USP50: variants seen among roughly 807,000 people sequenced by gnomAD.
USP50 encodes the protein ubiquitin carboxyl-terminal hydrolase 50.
In USP50, 37 loss-of-function variants were observed where a neutral mutation model predicts 39.2. The ratio of observed to expected loss-of-function variants is 0.94; its 90% confidence interval spans 0.73 to 1.24. The LOEUF is 1.24. USP50 is among the 50% of genes most tolerant of loss of function. The probability of loss-of-function intolerance (pLI) is 0.00; values close to 1 mark genes in which losing one functional copy is unlikely to be tolerated. For missense variants in USP50, 374 were observed against 398.2 expected (o/e 0.94, Z 0.52); for synonymous variants, 139 against 144.5 (o/e 0.96, Z 0.27).
downstream of USP50, among the ~76,000 whole-genome samples, chr15:50,498,112 C>G (rs1471120464): frequency 2.0e-5 from 3 of 152,066 alleles, no homozygotes; most frequent in African/African-American, 7.2e-5. Flanking sequence ...TTACACCAAC[C>G]AAGATATCAT....
At chr15:50,528,886 A>C (rs1447247865) in intron 6 of USP50, among the ~76,000 whole-genome samples, 1 of 152,190 alleles carries the variant, frequency 6.6e-6, no homozygotes, top group Non-Finnish European at 1.5e-5. Flanking sequence ...TGGGAGTCTC[A>C]ACCATTTGAT....
intron 6 of USP50, chr15:50,504,211 A>G (rs2052627617): frequency 6.6e-6 from 1 of 152,152 alleles, no homozygotes. Context: ...ATATGGGAGG[A>G]TGTGCATAGG....
intron 6 of USP50, chr15:50,501,222 G>A (rs2052580565): frequency 5.9e-6 from 1 of 168,570 alleles, no homozygotes; most frequent in African/African-American, 2.4e-5. Context: ...CACTCTGGGA[G>A]GCTGAGGCAG....
rs147210614 is a variant in USP50 at position 50,532,584 on chromosome 15, C to T, written c.804-2655G>A. ...GTTTCTCTTACCCAGTTCATCATAT[C>T]TGGCTATCAGGAAAAAATTACAAGG... On this transcript the variant is annotated intron_variant, in intron 5 of 6. Transcript: ENST00000532404. 7.1e-3 allele frequency among the ~76,000 whole-genome samples: 1,074 copies of T among 152,282 alleles called. 6 individuals are homozygous for T. Among genetic ancestry groups the T allele is most frequent in the South Asian group, 0.012 (56 of 4,824 alleles).
chr15:50,537,891 GAGGGGAGGGA>G (rs2052992773), intron 5 of USP50, among the ~76,000 whole-genome samples: 2 of 31,846 alleles, frequency 6.3e-5, no homozygotes, highest in African/African-American at 9.7e-5. Flanking sequence ...GAGGGGAGGG[GAGGGGAGGGA>G]AGGGGAGGGA....
At chr15:50,511,088 A>C (rs369085185) in intron 6 of USP50, 15 of 152,122 alleles carry the variant, frequency 9.9e-5, no homozygotes, top group African/African-American at 2.9e-4. Context: ...GATGTACACC[A>C]ATGTTCTCTG....
At chr15:50,526,433 T>C (rs1230107140) in intron 6 of USP50, among the ~76,000 whole-genome samples, 1 of 152,152 alleles carries the variant, frequency 6.6e-6, no homozygotes, top group African/African-American at 2.4e-5. Context: ...GCCTGAAGTA[T>C]TTCATTGTTT....
chr15:50,523,823 A>T (rs139022887), intron 6 of USP50, among the ~76,000 whole-genome samples: 2 of 152,356 alleles, frequency 1.3e-5, no homozygotes, highest in African/African-American at 4.8e-5. Context: ...CAAATTGCCA[A>T]AACAATCAGG....
intron 5 of USP50, among the ~76,000 whole-genome samples, 159 bp downstream of exon 5, chr15:50,538,550 G>A (rs1009358082): frequency 6.6e-6 from 1 of 152,076 alleles, no homozygotes; most frequent in African/African-American, 2.4e-5. Flanking sequence ...ACAGTTTTGT[G>A]TTATGCTGTA....
intron 6 of USP50, among the ~76,000 whole-genome samples, chr15:50,517,204 C>A (rs965758237): frequency 2.6e-5 from 4 of 152,122 alleles, no homozygotes; most frequent in Non-Finnish European, 5.9e-5. Flanking sequence ...GGTGTGGTGG[C>A]TCATGCCTGT....
chr15:50,494,775 G>A (rs940576125), intron 1 of USP50, among the ~76,000 whole-genome samples: 4 of 152,134 alleles, frequency 2.6e-5, no homozygotes, highest in East Asian at 3.9e-4. Flanking sequence ...AGTACTTTGG[G>A]AGGCCAAGGC....
chr15:50,503,238 C>G (rs2052615470), intron 6 of USP50: 1 of 152,346 alleles, frequency 6.6e-6, no homozygotes, highest in Admixed American at 6.5e-5. Flanking sequence ...ATCCCAGCTA[C>G]TTGGGAGGCT....
At chr15:50,546,284 G>A (rs1452529863) in intron 1 of USP50, among the ~76,000 whole-genome samples, 189 bp downstream of exon 1, 2 of 152,160 alleles carry the variant, frequency 1.3e-5, no homozygotes, top group African/African-American at 2.4e-5. Flanking sequence ...GTCCTAGACT[G>A]TCACCCTTTA....
At chr15:50,542,673 G>C (rs1390957886) in intron 3 of USP50, among the ~76,000 whole-genome samples, 1 of 151,790 alleles carries the variant, frequency 6.6e-6, no homozygotes, top group Admixed American at 6.6e-5. Flanking sequence ...ATTTTTAGTA[G>C]AGACGGGGTT....
At chr15:50,531,962 C>G (rs1268988920) in intron 5 of USP50, 1 of 360,020 alleles carries the variant, frequency 2.8e-6, no homozygotes, top group Non-Finnish European at 5.5e-6. Flanking sequence ...AAACCACTGC[C>G]CCCAAAACTG....
intron 6 of USP50, among the ~76,000 whole-genome samples, chr15:50,523,853 T>C (rs8027632): frequency 0.082 from 12,548 of 152,250 alleles, 925 homozygotes; most frequent in African/African-American, 0.19. Context: ...CAAAGCTGGA[T>C]GCATCGCACT....
At position 50,541,071 on chromosome 15, in the gene USP50, G is replaced by C. The variant is rs1338328896; in HGVS notation, c.638C>G (p.Ser213Cys). 6.2e-6 allele frequency: 10 copies of C among 1,613,672 alleles called. No homozygotes were observed. Among genetic ancestry groups the C allele is most frequent in the Non-Finnish European group, 7.6e-6 (9 of 1,179,722 alleles). The change falls in exon 4 of 7, where the codon TCC becomes TGC. Residue 213 changes from serine (S) to cysteine (C), a missense_variant. By Grantham distance (112) the Ser-to-Cys change is moderately radical. Transcript: ENST00000532404. Reference protein sequence around the residue: ...VFTVFSLPIPSKYECSLRDCL... With the variant: ...VFTVFSLPIPCKYECSLRDCL... ...TACCCGAAGGGAGCATTCATATTTG[G>C]ATGGAATGGGGAGTGAGAAGACAGT...
intron 6 of USP50, among the ~76,000 whole-genome samples, chr15:50,519,511 G>A (rs754778890): frequency 9.9e-5 from 15 of 151,952 alleles, no homozygotes; most frequent in Admixed American, 4.6e-4. Flanking sequence ...TCAGCAGATC[G>A]AGACCATCTT....
chr15:50,546,657 G>A lies in USP50; in HGVS notation c.-132C>T. The A allele has an allele frequency of 1.1e-6, 1 of 921,160 alleles. No homozygotes were observed. The highest frequency in any genetic ancestry group is 1.5e-5 in the South Asian group (1 of 66,328). The allele number at this position is 921,160 out of a possible 1,614,324, so 57.1% of individuals were successfully genotyped here. ...TGATATGCTCCTCTCTCTTCCAGTA[G>A]CTGCGAACTGATTTTCACCTGTATC... is the stretch of plus-strand genomic sequence containing the variant. On this transcript the variant is annotated 5_prime_UTR_variant, in exon 1 of 7. Transcript: ENST00000532404.
Sources: gnomAD v4.1 joint callset for allele counts (sites outside exome capture counted in the v4.1 genomes callset) on GRCh38, gnomAD v4.1.1 for gene constraint, MANE v1.5 for transcripts, NCBI Gene and HGNC (gene_info 2026-07-23, HGNC 2026-07-21) for gene names.